B3GALT1: variants seen among roughly 807,000 people sequenced by gnomAD.
The protein encoded by B3GALT1 is beta-1,3-galactosyltransferase 1, also known as UDP-Gal:betaGlcNAc beta 1,3-galactosyltransferase, polypeptide 1.
Under a neutral mutation model 23.2 loss-of-function variants are expected in B3GALT1, and 10 were observed. That is an observed-to-expected ratio of 0.43 (90% CI 0.27 to 0.73). The LOEUF (loss-of-function observed/expected upper bound fraction) is 0.73. B3GALT1 is among the 30% of genes least tolerant of loss of function. The probability of loss-of-function intolerance (pLI) is 0.21; values close to 1 mark genes in which losing one functional copy is unlikely to be tolerated. For missense variants in B3GALT1, 299 were observed against 405.4 expected, an observed-to-expected ratio of 0.74 and a Z score of 2.25; for synonymous variants, 156 against 141.5, an observed-to-expected ratio of 1.10 and a Z score of -0.73.
chr2:167,703,995 C>T (rs993241446), intron 3 of B3GALT1, among the ~76,000 whole-genome samples: 12 of 151,920 alleles, frequency 7.9e-5, no homozygotes, highest in Admixed American at 2.6e-4. Flanking sequence ...TCCTGGCTAA[C>T]ACGGTGAAAC....
intron 1 of B3GALT1, among the ~76,000 whole-genome samples, chr2:167,376,402 G>C (rs555806412): frequency 2.8e-4 from 43 of 152,202 alleles, no homozygotes; most frequent in South Asian, 4.1e-4. Flanking sequence ...TTTTGGAATA[G>C]TTTCTGTAGA....
chr2:167,829,609 G>T (rs1689302496), intron 4 of B3GALT1, among the ~76,000 whole-genome samples: 2 of 152,134 alleles, frequency 1.3e-5, no homozygotes, highest in South Asian at 4.1e-4. Flanking sequence ...CATTTTTCAG[G>T]CTCCAGAGGC....
intron 2 of B3GALT1, among the ~76,000 whole-genome samples, chr2:167,633,545 A>G (rs556773562): frequency 1.1e-4 from 17 of 152,144 alleles, no homozygotes; most frequent in African/African-American, 1.9e-4. Flanking sequence ...CTAGTCTCTC[A>G]TAAAACACAC....
At chr2:167,564,133 C>G (rs953859430) in intron 2 of B3GALT1, among the ~76,000 whole-genome samples, 1 of 151,072 alleles carries the variant, frequency 6.6e-6, no homozygotes, top group Non-Finnish European at 1.5e-5. Flanking sequence ...GGAGGGGCTC[C>G]TCACTTCTCA....
At chr2:167,488,184 CT>C (rs1391773185) in intron 1 of B3GALT1, among the ~76,000 whole-genome samples, 2 of 152,204 alleles carry the variant, frequency 1.3e-5, no homozygotes, top group Non-Finnish European at 2.9e-5. Flanking sequence ...ACTCTATCAG[CT>C]TTTAATGACT....
chr2:167,375,253 A>G (rs1049925252), intron 1 of B3GALT1, among the ~76,000 whole-genome samples: 1 of 152,090 alleles, frequency 6.6e-6, no homozygotes, highest in Non-Finnish European at 1.5e-5. Context: ...CTTATAGTAT[A>G]GTTTGAAGTC....
At chr2:167,804,866 G>A (rs1201557816) in intron 3 of B3GALT1, among the ~76,000 whole-genome samples, 2 of 152,124 alleles carry the variant, frequency 1.3e-5, no homozygotes, top group South Asian at 2.1e-4. Context: ...TGGGTCAAAC[G>A]GTATTTCTAG....
In B3GALT1 at chr2:167,623,133, G is replaced by A. The variant is rs146151968; in HGVS notation, c.-409-23776G>A. On this transcript the variant is annotated intron_variant, in intron 2 of 4. Transcript: ENST00000392690. ...GTCAAGAAACAACAGATGCTGGAGAGGATGTAGACAAATAGGAACACTTTT... is the reference window on the plus strand; with the variant it reads ...GTCAAGAAACAACAGATGCTGGAGAAGATGTAGACAAATAGGAACACTTTT... 7.2e-3 allele frequency among the ~76,000 whole-genome samples: 1,096 copies of A among 152,280 alleles called. 15 individuals carry two copies. The highest frequency in any genetic ancestry group is 0.025 in the African/African-American group (1,040 of 41,576).
chr2:167,398,016 G>A (rs1698123627), intron 1 of B3GALT1, among the ~76,000 whole-genome samples: 1 of 152,152 alleles, frequency 6.6e-6, no homozygotes, highest in Non-Finnish European at 1.5e-5. Context: ...CTCAAGTGTT[G>A]TGGAGCAATT....
At chr2:167,584,405 C>A (rs564933008) in intron 2 of B3GALT1, among the ~76,000 whole-genome samples, 1 of 152,294 alleles carries the variant, frequency 6.6e-6, no homozygotes, top group East Asian at 1.9e-4. Context: ...GAAAACCCTA[C>A]GTTTTTCCTA....
At chr2:167,652,715 C>T (rs917573371) in intron 3 of B3GALT1, among the ~76,000 whole-genome samples, 2 of 152,154 alleles carry the variant, frequency 1.3e-5, no homozygotes, top group African/African-American at 4.8e-5. Context: ...CCACTTCCTG[C>T]ACCCTCTATA....
intron 2 of B3GALT1, among the ~76,000 whole-genome samples, chr2:167,611,604 G>A (rs192026848): frequency 6.6e-5 from 10 of 152,064 alleles, no homozygotes; most frequent in African/African-American, 2.4e-4. Context: ...CATTGCCAGC[G>A]AGTTGTAGTT....
intron 1 of B3GALT1, among the ~76,000 whole-genome samples, chr2:167,428,446 G>T (rs1291728715): frequency 6.6e-6 from 1 of 151,872 alleles, no homozygotes; most frequent in African/African-American, 2.4e-5. Flanking sequence ...GGGCTGAGGT[G>T]AGAGGATCAC....
At chr2:167,600,541 C>A (rs904994029) in intron 2 of B3GALT1, among the ~76,000 whole-genome samples, 6 of 152,150 alleles carry the variant, frequency 3.9e-5, no homozygotes, top group Admixed American at 1.3e-4. Flanking sequence ...TCCTCCCCAC[C>A]CACTCCTGTT....
intron 4 of B3GALT1, among the ~76,000 whole-genome samples, chr2:167,851,783 C>T (rs1006889539): frequency 3.6e-4 from 55 of 152,318 alleles, no homozygotes; most frequent in African/African-American, 1.1e-3. Flanking sequence ...CAGGAACCAT[C>T]GCCTAGAGTT....
chr2:167,804,776 G>A (rs375577084), intron 3 of B3GALT1, among the ~76,000 whole-genome samples: 5,009 of 152,038 alleles, frequency 0.033, 117 homozygotes, highest in South Asian at 0.068. Flanking sequence ...GAATAGTGCC[G>A]CAATAAACAT....
At chr2:167,740,116 A>G (rs1407179415) in intron 3 of B3GALT1, among the ~76,000 whole-genome samples, 1 of 150,372 alleles carries the variant, frequency 6.7e-6, no homozygotes, top group African/African-American at 2.4e-5. Flanking sequence ...ATAAATAAAT[A>G]AATAAATAAA....
At position 167,869,532 on chromosome 2, in the gene B3GALT1, A is replaced by G. The variant is rs373161902; in HGVS notation, c.493A>G (p.Thr165Ala). 6.2e-7 allele frequency: 1 copy of G among 1,614,106 alleles called. No homozygotes were observed. ...ATTAATGGGGATGAGATGGGTGGCC[A>G]CTTTTTGTTCAAAAGCCAAGTATGT... is the stretch of plus-strand genomic sequence containing the variant. ...KTLMGMRWVA[T>A]FCSKAKYVMK... Residue 165 changes from threonine to alanine, a missense_variant, in exon 5 of 5, where the codon ACT (threonine) becomes GCT (alanine). Around this residue, in one of 3 missense-constraint regions of B3GALT1, gnomAD observed 133 missense variants for 204.8 expected, o/e 0.65. Transcript: ENST00000392690. The surrounding 1 kb of genome is among the most constrained non-coding windows in gnomAD (Gnocchi z 6.4).
intron 4 of B3GALT1, among the ~76,000 whole-genome samples, chr2:167,824,060 A>ATGAT (rs1036438457): frequency 1.9e-4 from 29 of 152,360 alleles, no homozygotes; most frequent in African/African-American, 7.0e-4. Flanking sequence ...GACTCCTGAT[A>ATGAT]TGATAGCTGA....
Sources: gnomAD v4.1 joint callset for allele counts (sites outside exome capture counted in the v4.1 genomes callset) on GRCh38, gnomAD v4.1.1 for gene constraint, gnomAD v4.1.1 regional missense constraint, Gnocchi (gnomAD v3.1) non-coding constraint, MANE v1.5 for transcripts, NCBI Gene and HGNC (gene_info 2026-07-23, HGNC 2026-07-21) for gene names.